GNAS: variants seen among roughly 807,000 people sequenced by gnomAD.
GNAS encodes the protein GNAS complex locus, also known as protein ALEX.
Under a neutral mutation model 54.5 loss-of-function variants are expected in GNAS, and 8 were observed. The observed-to-expected ratio is 0.15, with a 90% CI of 0.09 to 0.26. The LOEUF (loss-of-function observed/expected upper bound fraction) is 0.26, where lower values mean the gene tolerates loss of function less well. Among genes scored for constraint, GNAS ranks in the 10% least tolerant of loss-of-function variants. The pLI, the probability that GNAS is intolerant of heterozygous loss-of-function variation, is 1.00. For missense variants in GNAS, 170 were observed against 529.8 expected (o/e 0.32, Z 6.67); for synonymous variants, 204 against 191.4 (o/e 1.07, Z -0.54).
intron 5 of GNAS, 87 bp downstream of exon 5, chr20:58,903,878 T>C (rs1174431614): frequency 7.1e-7 from 1 of 1,416,592 alleles, no homozygotes; most frequent in Non-Finnish European, 1.0e-6. Flanking sequence ...GCCCTGCACA[T>C]GGGCAGGAGC....
chr20:58,845,697 G>T (rs1286665439), intron 1 of GNAS, among the ~76,000 whole-genome samples: 2 of 152,174 alleles, frequency 1.3e-5, no homozygotes, highest in African/African-American at 4.8e-5. Flanking sequence ...AATCTCATGA[G>T]TTTTTTCAAA....
intron 6 of GNAS, among the ~76,000 whole-genome samples, chr20:58,906,788 C>T (rs1275518661): frequency 6.6e-6 from 1 of 152,136 alleles, no homozygotes; most frequent in Non-Finnish European, 1.5e-5. Flanking sequence ...CCTCGGCCTC[C>T]CAAAGTGCTG....
rs2090845480 is a variant in GNAS at position 58,903,663 on chromosome 20, C to T, written c.313-9C>T. On this transcript the variant is annotated splice_polypyrimidine_tract_variant and intron_variant, in intron 4 of 12. Transcript: ENST00000371085. ...CTGTTCCCTGACCGCTTTGCTAAATCATTTTCAGACCATTGTGGCCGCCAT... is the reference window on the plus strand; with the variant it reads ...CTGTTCCCTGACCGCTTTGCTAAATTATTTTCAGACCATTGTGGCCGCCAT... The T allele has an allele frequency of 1.2e-6, 2 of 1,614,020 alleles. No homozygotes were observed. Among genetic ancestry groups the T allele is most frequent in the Admixed American group, 1.7e-5 (1 of 60,000 alleles).
upstream of GNAS, among the ~76,000 whole-genome samples, chr20:58,890,147 A>AAAGGAGGAGAAG (rs1600943573): frequency 1.3e-5 from 2 of 151,826 alleles, no homozygotes; most frequent in African/African-American, 4.8e-5. Context: ...AGCAGAGGCG[A>AAAGGAGGAGAAG]AAGGAGGAGA....
At chr20:58,899,785 A>T (rs1048524556) in intron 3 of GNAS, among the ~76,000 whole-genome samples, 8 of 152,102 alleles carry the variant, frequency 5.3e-5, no homozygotes, top group Non-Finnish European at 1.0e-4. Flanking sequence ...TGTATTTAGC[A>T]TGCAGTGGTG....
intron 1 of GNAS, chr20:58,876,842 A>G (rs1449123432): frequency 2.6e-5 from 4 of 152,352 alleles, no homozygotes; most frequent in African/African-American, 9.7e-5. Flanking sequence ...CGTGGATCTA[A>G]AGCCCAGAAG....
chr20:58,887,521 T>C (rs1319461991), upstream of GNAS, among the ~76,000 whole-genome samples: 1 of 152,230 alleles, frequency 6.6e-6, no homozygotes, highest in Non-Finnish European at 1.5e-5. Flanking sequence ...TACTGCTGAG[T>C]TCTCCTATGA....
intron 1 of GNAS, among the ~76,000 whole-genome samples, chr20:58,879,846 A>G (rs1319238700): frequency 6.6e-6 from 1 of 152,178 alleles, no homozygotes; most frequent in Non-Finnish European, 1.5e-5. Context: ...ATTTAGAGGA[A>G]GCTGAAGGCA....
chr20:58,839,970 G>C (rs541643892), upstream of GNAS: 38 of 860,824 alleles, frequency 4.4e-5, 1 homozygote, highest in South Asian at 5.8e-4. Context: ...TCCTCACAAG[G>C]AGGTGAGGCT....
chr20:58,890,210 G>A (rs2089023010), upstream of GNAS, among the ~76,000 whole-genome samples: 2 of 151,490 alleles, frequency 1.3e-5, no homozygotes, highest in Non-Finnish European at 2.9e-5. Context: ...AGAAGAAGAA[G>A]AAGAAGGTGC....
At chr20:58,895,446 T>C in intron 1 of GNAS, 166 bp from the exon 2 acceptor site, 1 of 666,080 alleles carries the variant, frequency 1.5e-6, no homozygotes, top group Non-Finnish European at 2.8e-6. Context: ...GACATTGATT[T>C]CCTTTTCTCT....
At position 58,841,820 on chromosome 20, in the gene GNAS, C is replaced by T; in HGVS notation, c.43+934C>T. On this transcript the variant is annotated intron_variant, in intron 1 of 12. Transcript: ENST00000306090. The surrounding 1 kb of genome is among the most constrained non-coding windows in gnomAD (Gnocchi z 5.0). Reference sequence around the variant, plus strand: ...CTGCATGCGGCTTAGCAGGAGACGTCCTGGGCTGTTTGCGCAGGACCTCTG... The same window carrying T: ...CTGCATGCGGCTTAGCAGGAGACGTTCTGGGCTGTTTGCGCAGGACCTCTG... The T allele has an allele frequency of 1.6e-6, 2 of 1,230,908 alleles. No individual in the cohort carries two copies. The highest frequency in any genetic ancestry group is 2.0e-6 in the Non-Finnish European group (2 of 987,974). The allele number at this position is 1,230,908 out of a possible 1,614,324, so 76.2% of individuals were successfully genotyped here.
Position 58,857,952 on chromosome 20 carries a change from G to A in GNAS, c.43+17066G>A, listed in dbSNP as rs139762562. 2.6e-5 allele frequency among the ~76,000 whole-genome samples: 4 copies of A among 152,260 alleles called. No individual in the cohort carries two copies. The highest frequency in any genetic ancestry group is 4.2e-4 in the South Asian group (2 of 4,814). On this transcript the variant is annotated intron_variant, in intron 1 of 12. Transcript: ENST00000306090. This position sits in a 1 kb window ranked among gnomAD's most constrained non-coding sequence, Gnocchi z 4.1. ...CCAGAAGGTGGGCTGGCAAACCATGGGCCATGTCTAACATAAGCCTGAAAT... is the reference window on the plus strand; with the variant it reads ...CCAGAAGGTGGGCTGGCAAACCATGAGCCATGTCTAACATAAGCCTGAAAT...
intron 1 of GNAS, chr20:58,843,392 T>G (rs2145489243): frequency 6.6e-6 from 1 of 152,314 alleles, no homozygotes; most frequent in South Asian, 2.1e-4. Flanking sequence ...TCTCTCTGCC[T>G]GAGAGACTGG....
chr20:58,905,963 G>C (rs975061866), intron 6 of GNAS, among the ~76,000 whole-genome samples: 1 of 152,174 alleles, frequency 6.6e-6, no homozygotes, highest in Non-Finnish European at 1.5e-5. Flanking sequence ...TCTAGTAGCT[G>C]CCTAGTGTTA....
At chr20:58,885,452 TA>T (rs2088528860) in intron 1 of GNAS, among the ~76,000 whole-genome samples, 1 of 152,244 alleles carries the variant, frequency 6.6e-6, no homozygotes, top group Non-Finnish European at 1.5e-5. Flanking sequence ...CAGATCATTT[TA>T]AAATGAGTTG....
upstream of GNAS, chr20:58,889,394 T>A: frequency 4.1e-6 from 4 of 981,824 alleles, no homozygotes; most frequent in South Asian, 1.4e-4. Context: ...GAAGTGCGAG[T>A]CGCCCGGCGC....
At chr20:58,904,920 A>T (rs562185595) in intron 5 of GNAS, among the ~76,000 whole-genome samples, 1 of 152,332 alleles carries the variant, frequency 6.6e-6, no homozygotes, top group East Asian at 1.9e-4. Context: ...TTATGTTCCT[A>T]CCTACAAGTC....
intron 1 of GNAS, among the ~76,000 whole-genome samples, chr20:58,878,479 C>A (rs1455819358): frequency 6.6e-6 from 1 of 152,126 alleles, no homozygotes; most frequent in African/African-American, 2.4e-5. Context: ...TTACATTTAG[C>A]AAGAGGTTTA....
Sources: allele counts gnomAD v4.1 joint callset (sites outside exome capture counted in the v4.1 genomes callset), GRCh38; gene constraint gnomAD v4.1.1; non-coding constraint Gnocchi (gnomAD v3.1); transcripts MANE v1.5; gene names NCBI Gene and HGNC (gene_info 2026-07-23, HGNC 2026-07-21).